The following LMX1B variants were observed in gnomAD, a reference collection of about 807,000 sequenced individuals.
The protein encoded by LMX1B is LIM homeobox transcription factor 1 beta.
Under a neutral mutation model 51.4 loss-of-function variants are expected in LMX1B, and 12 were observed. The ratio of observed to expected loss-of-function variants is 0.23; its 90% CI spans 0.15 to 0.38. The LOEUF is 0.38. Ranked by LOEUF, LMX1B falls within the 10% of genes least tolerant of loss-of-function variation. The pLI, the probability that LMX1B is intolerant of heterozygous loss-of-function variation, is 1.00. For synonymous variants in LMX1B, 237 were observed against 235.4 expected, an observed-to-expected ratio of 1.01 and a Z score of -0.06; for missense variants, 445 against 571.1, an observed-to-expected ratio of 0.78 and a Z score of 2.25.
intron 2 of LMX1B, among the ~76,000 whole-genome samples, chr9:126,648,678 A>G (rs1835947723): frequency 6.6e-6 from 1 of 152,218 alleles, no homozygotes; most frequent in Admixed American, 6.5e-5. Context: ...ATGGACAGGT[A>G]CATGAGTGAT....
intron 2 of LMX1B, among the ~76,000 whole-genome samples, chr9:126,645,026 CT>C (rs1325827273): frequency 6.6e-6 from 1 of 152,184 alleles, no homozygotes; most frequent in Non-Finnish European, 1.5e-5. Flanking sequence ...CTCGGCTCCC[CT>C]GTCCCACCTG....
chr9:126,626,309 A>G lies in LMX1B; in HGVS notation c.326+10740A>G, dbSNP rs1474251924. Among the ~76,000 whole-genome samples, 1 of 152,238 alleles carries G rather than the reference A, an allele frequency of 6.6e-6. No individual in the cohort carries two copies. The highest frequency in any genetic ancestry group is 6.5e-5 in the Admixed American group (1 of 15,292). On this transcript the variant is annotated intron_variant, in intron 2 of 7. Coordinates refer to ENST00000373474, the MANE Select transcript of LMX1B (RefSeq NM_001174147.2). This position sits in a 1 kb window ranked among gnomAD's most constrained non-coding sequence, Gnocchi z 4.3. ...CAGGGTGTCACCTCGTAAAAGCGAC[A>G]GGCAAGGACTGTTTTATGGGGAGGG...
At position 126,625,695 on chromosome 9, in the gene LMX1B, C is replaced by T. The variant is rs1305402772; in HGVS notation, c.326+10126C>T. Among the ~76,000 whole-genome samples the T allele has an allele frequency of 1.3e-5, 2 of 152,204 alleles. No homozygotes were observed. The highest frequency in any genetic ancestry group is 1.9e-4 in the East Asian group (1 of 5,188). ...TCTCCGCCAGGCCCGTGGCGCCTTT[C>T]TCGCCACCTCCGCCGCCGCCGCCGC... is the stretch of plus-strand genomic sequence containing the variant. On this transcript the variant is annotated intron_variant, in intron 2 of 7. Coordinates refer to ENST00000373474, the MANE Select transcript of LMX1B (RefSeq NM_001174147.2). This position sits in a 1 kb window ranked among gnomAD's most constrained non-coding sequence, Gnocchi z 5.3.
chr9:126,678,802 A>G (rs1283223646), intron 2 of LMX1B, among the ~76,000 whole-genome samples: 3 of 152,240 alleles, frequency 2.0e-5, no homozygotes, highest in Non-Finnish European at 4.4e-5. Flanking sequence ...CTCAATGAGA[A>G]TAATTTTAGG....
chr9:126,664,584 T>G (rs1836307050), intron 2 of LMX1B, among the ~76,000 whole-genome samples: 1 of 152,182 alleles, frequency 6.6e-6, no homozygotes, highest in Non-Finnish European at 1.5e-5. Flanking sequence ...ACTTAATAAA[T>G]GCACAAGTTG....
chr9:126,675,382 T>G (rs867395207), intron 2 of LMX1B, among the ~76,000 whole-genome samples: 3 of 152,252 alleles, frequency 2.0e-5, no homozygotes, highest in Non-Finnish European at 2.9e-5. Context: ...ATTTCAGTAT[T>G]AAATTATGGA....
intron 2 of LMX1B, among the ~76,000 whole-genome samples, chr9:126,629,832 T>G (rs1029597598): frequency 1.3e-5 from 2 of 151,766 alleles, no homozygotes; most frequent in African/African-American, 4.8e-5. Context: ...GCACCCTAGA[T>G]CTTGATGAGA....
At chr9:126,663,822 C>G (rs1299163121) in intron 2 of LMX1B, among the ~76,000 whole-genome samples, 1 of 152,266 alleles carries the variant, frequency 6.6e-6, no homozygotes, top group African/African-American at 2.4e-5. Flanking sequence ...CCTTGGTTGC[C>G]CTGCTTGGGA....
At chr9:126,633,474 G>T (rs976860723) in intron 2 of LMX1B, among the ~76,000 whole-genome samples, 1 of 152,232 alleles carries the variant, frequency 6.6e-6, no homozygotes, top group African/African-American at 2.4e-5. Context: ...GCATGGGTGG[G>T]TGGGTTGCAG....
At chr9:126,622,993 C>T (rs1835445868) in intron 2 of LMX1B, among the ~76,000 whole-genome samples, 2 of 152,200 alleles carry the variant, frequency 1.3e-5, no homozygotes, top group Admixed American at 1.3e-4. Flanking sequence ...ACCCAGATGC[C>T]AGCCAGTGTT....
chr9:126,689,085 C>T lies in LMX1B; in HGVS notation c.327-1751C>T, dbSNP rs184820974. Among the ~76,000 whole-genome samples, 3 of 152,338 alleles carry T rather than the reference C, an allele frequency of 2.0e-5. No individual in the cohort carries two copies. The East Asian group carries it at 5.8e-4, about 29-fold the overall frequency. ...CTGAGGGGAGCATAGAGGAGGCTAC[C>T]TCCCCCAGACTGGGGCATCAGAGAA... On this transcript the variant is annotated intron_variant, in intron 2 of 7. Transcript: ENST00000373474.
In LMX1B at chr9:126,671,728, G is replaced by A. The variant is rs778799425; in HGVS notation, c.327-19108G>A. ...CAATAACCAGCAGCTGGGTCACCAGGCACACAAAGGCAGTGTAATATCCTG... is the reference window on the plus strand; with the variant it reads ...CAATAACCAGCAGCTGGGTCACCAGACACACAAAGGCAGTGTAATATCCTG... On this transcript the variant is annotated intron_variant, in intron 2 of 7. Coordinates refer to ENST00000373474, the MANE Select transcript of LMX1B (RefSeq NM_001174147.2). This position sits in a 1 kb window ranked among gnomAD's most constrained non-coding sequence, Gnocchi z 4.4. Among the ~76,000 whole-genome samples the A allele has an allele frequency of 3.9e-5, 6 of 152,158 alleles. No homozygotes were observed. The highest frequency in any genetic ancestry group is 8.8e-5 in the Non-Finnish European group (6 of 68,024).
Position 126,676,771 on chromosome 9 carries a change from C to T in LMX1B, c.327-14065C>T, listed in dbSNP as rs115683895. 3.4e-3 allele frequency among the ~76,000 whole-genome samples: 513 copies of T among 152,232 alleles called. 3 individuals are homozygous for T. Among genetic ancestry groups the T allele is most frequent in the African/African-American group, 0.012 (488 of 41,528 alleles). On this transcript the variant is annotated intron_variant, in intron 2 of 7. Coordinates refer to ENST00000373474, the MANE Select transcript of LMX1B (RefSeq NM_001174147.2). ...TTTCGGAGTTACCAGGGGTGGGGTC[C>T]GCAGATCCCCATAGGGAGGACTTGC...
chr9:126,616,509 G>A (rs533138944), intron 2 of LMX1B, among the ~76,000 whole-genome samples: 146 of 152,336 alleles, frequency 9.6e-4, no homozygotes, highest in African/African-American at 3.4e-3. Context: ...AGCCACAACT[G>A]AAAGAGGGGT....
In LMX1B at chr9:126,678,203, G is replaced by T. The variant is rs188620918; in HGVS notation, c.327-12633G>T. 3.9e-4 allele frequency among the ~76,000 whole-genome samples: 60 copies of T among 152,092 alleles called. 1 individual carries two copies. In the East Asian group the frequency reaches 0.011, roughly 27 times the overall value. ...CCCGCGCCTGTAATCCCAGCTACTCGGGAGGCTAAGACAGGAGAATCGCTT... is the reference window on the plus strand; with the variant it reads ...CCCGCGCCTGTAATCCCAGCTACTCTGGAGGCTAAGACAGGAGAATCGCTT... On this transcript the variant is annotated intron_variant, in intron 2 of 7. Transcript: ENST00000373474.
chr9:126,614,463 C>T lies in LMX1B; in HGVS notation c.14C>T (p.Thr5Ile). Residue 5 changes from threonine (T) to isoleucine (I), a missense_variant, in exon 1 of 8, where the codon ACA becomes ATA. Thr to Ile is a moderately conservative substitution (Grantham distance 89). Coordinates refer to ENST00000373474, the MANE Select transcript of LMX1B (RefSeq NM_001174147.2). Reference sequence around the variant, plus strand: ...GCCCCGCGTCCCATGGATATAGCAACAGGTCCCGAGTCGCTGGAGAGGTGC... The same window carrying T: ...GCCCCGCGTCCCATGGATATAGCAATAGGTCCCGAGTCGCTGGAGAGGTGC... MDIA[T>I]GPESLERCFP... The T allele has an allele frequency of 6.4e-7, 1 of 1,568,960 alleles. No individual in the cohort carries two copies.
At position 126,641,827 on chromosome 9, in the gene LMX1B, C is replaced by T. The variant is rs537889267; in HGVS notation, c.326+26258C>T. The stretch of plus-strand genomic sequence containing the variant: ...ACAGCACCCAGCCTCTTGCCACTCA[C>T]GCGTGAGCAATTGTGGTCACAGCTG... On this transcript the variant is annotated intron_variant, in intron 2 of 7. Coordinates refer to ENST00000373474, the MANE Select transcript of LMX1B (RefSeq NM_001174147.2). The surrounding 1 kb of genome is among the most constrained non-coding windows in gnomAD (Gnocchi z 4.1). 1.6e-3 allele frequency among the ~76,000 whole-genome samples: 248 copies of T among 152,340 alleles called. No homozygotes were observed. The highest frequency in any genetic ancestry group is 5.3e-3 in the African/African-American group (222 of 41,576).
intron 2 of LMX1B, among the ~76,000 whole-genome samples, chr9:126,638,755 G>A (rs1835759654): frequency 6.6e-6 from 1 of 152,148 alleles, no homozygotes; most frequent in African/African-American, 2.4e-5. Flanking sequence ...CGGGGGAGCC[G>A]GTGAAAAATT....
chr9:126,640,936 G>C (rs1286927377), intron 2 of LMX1B: 1 of 152,256 alleles, frequency 6.6e-6, no homozygotes, highest in Non-Finnish European at 1.5e-5. Flanking sequence ...AGGACAGCTC[G>C]GGCCAGACTA....
Sources: allele counts gnomAD v4.1 joint callset (sites outside exome capture counted in the v4.1 genomes callset), GRCh38; gene constraint gnomAD v4.1.1; non-coding constraint Gnocchi (gnomAD v3.1); transcripts MANE v1.5; gene names NCBI Gene and HGNC (gene_info 2026-07-23, HGNC 2026-07-21).